Variants in PLXNA2 observed in about 807,000 individuals in gnomAD.
PLXNA2 encodes plexin-A2.
A neutral mutation model predicts 193.5 loss-of-function variants in PLXNA2; 91 were observed. The observed-to-expected ratio is 0.47, with a 90% CI of 0.40 to 0.56. The LOEUF is 0.56. PLXNA2 is among the 20% of genes least tolerant of loss of function. The pLI is 0.00. For synonymous variants in PLXNA2, 997 were observed against 1,027.3 expected (o/e 0.97, Z 0.56); for missense variants, 1,995 against 2,503.2 (o/e 0.80, Z 4.33).
chr1:208,027,419 CCT>C, intron 31 of PLXNA2, 81 bp from the exon 32 acceptor site: 1 of 1,062,650 alleles, frequency 9.4e-7, no homozygotes, highest in South Asian at 1.3e-5. Context: ...CCCTCTTTGC[CCT>C]CTGTCTACCT....
At chr1:208,241,740 C>G (rs1029946989) in intron 1 of PLXNA2, among the ~76,000 whole-genome samples, 4 of 152,220 alleles carry the variant, frequency 2.6e-5, no homozygotes, top group Non-Finnish European at 4.4e-5. Flanking sequence ...GCATTGCCCT[C>G]CCTTTATCAG....
chr1:208,243,444 G>A lies in PLXNA2; in HGVS notation c.-81+199C>T, dbSNP rs562841751. On this transcript the variant is annotated intron_variant, in intron 1 of 31. Coordinates refer to ENST00000367033, the MANE Select transcript of PLXNA2 (RefSeq NM_025179.4). ...GAGGCAGCGGCTCCAGTGAGCCTGC[G>A]ATCGCGCGCACGCCGCGCTCCAGCC... Among the ~76,000 whole-genome samples the A allele has an allele frequency of 4.3e-4, 66 of 152,056 alleles. No individual in the cohort carries two copies. In the East Asian group the frequency reaches 0.012, roughly 28 times the overall value.
chr1:208,232,139 G>A (rs535745502), intron 1 of PLXNA2, among the ~76,000 whole-genome samples: 2 of 152,330 alleles, frequency 1.3e-5, no homozygotes, highest in East Asian at 3.9e-4. Context: ...GCTGGGGAGG[G>A]GCTGAGGCCT....
At chr1:208,210,675 C>G (rs1670913535) in intron 2 of PLXNA2, among the ~76,000 whole-genome samples, 1 of 152,184 alleles carries the variant, frequency 6.6e-6, no homozygotes, top group Non-Finnish European at 1.5e-5. Flanking sequence ...GATGAAAGAA[C>G]AGGCAGCAAC....
intron 2 of PLXNA2, among the ~76,000 whole-genome samples, chr1:208,214,149 A>G (rs1199108371): frequency 1.3e-5 from 2 of 151,974 alleles, no homozygotes; most frequent in African/African-American, 4.8e-5. Context: ...ACCAAAGACT[A>G]TCTAGTCTAG....
intron 11 of PLXNA2, among the ~76,000 whole-genome samples, chr1:208,079,896 G>A (rs537726826): frequency 1.3e-5 from 2 of 152,172 alleles, no homozygotes; most frequent in East Asian, 1.9e-4. Flanking sequence ...CTTTGAACTC[G>A]TGCTATATTC....
At chr1:208,141,718 C>G (rs1558213038) in intron 4 of PLXNA2, among the ~76,000 whole-genome samples, 1 of 152,216 alleles carries the variant, frequency 6.6e-6, no homozygotes, top group Non-Finnish European at 1.5e-5. Context: ...TGCCTTCTCT[C>G]TACTCACACA....
In PLXNA2 at chr1:208,194,644, A is replaced by G. The variant is rs568807254; in HGVS notation, c.1371+15636T>C. ...AAAAGAACACCATTACCTCCATCCTATCTATACATCCTGCCACCAAGATGG... is the reference window on the plus strand; with the variant it reads ...AAAAGAACACCATTACCTCCATCCTGTCTATACATCCTGCCACCAAGATGG... On this transcript the variant is annotated intron_variant, in intron 3 of 31. Coordinates refer to ENST00000367033, the MANE Select transcript of PLXNA2 (RefSeq NM_025179.4). 2.0e-5 allele frequency among the ~76,000 whole-genome samples: 3 copies of G among 152,268 alleles called. No homozygotes were observed. In the East Asian group the frequency reaches 5.8e-4, roughly 29 times the overall value.
chr1:208,038,761 A>T lies in PLXNA2; in HGVS notation c.4660+64T>A. The T allele has an allele frequency of 6.5e-7, 1 of 1,529,834 alleles. No homozygotes were observed. The highest frequency in any genetic ancestry group is 9.0e-7 in the Non-Finnish European group (1 of 1,114,182). The allele number at this position is 1,529,834 out of a possible 1,614,324, so 94.8% of individuals were successfully genotyped here. On this transcript the variant is annotated intron_variant, in intron 25 of 31. Transcript: ENST00000367033. The surrounding 1 kb of genome is among the most constrained non-coding windows in gnomAD (Gnocchi z 4.1). ...TCATGCCCCTGCAAGGGTTGTGTGC[A>T]TGGCAGCTTCCCTTCCTTCACCTCT... is the stretch of plus-strand genomic sequence containing the variant.
At chr1:208,100,447 G>A (rs1667058728) in intron 5 of PLXNA2, among the ~76,000 whole-genome samples, 1 of 152,074 alleles carries the variant, frequency 6.6e-6, no homozygotes, top group African/African-American at 2.4e-5. Context: ...AAATGGCCTG[G>A]CGCATAGTAG....
intron 2 of PLXNA2, among the ~76,000 whole-genome samples, chr1:208,212,735 G>C (rs144093612): frequency 1.6e-3 from 238 of 152,288 alleles, no homozygotes; most frequent in South Asian, 1.9e-3. Context: ...GGGAATTCTA[G>C]CTCCCTAGAA....
intron 4 of PLXNA2, among the ~76,000 whole-genome samples, chr1:208,107,849 C>T (rs1667323644): frequency 6.6e-6 from 1 of 152,060 alleles, no homozygotes; most frequent in African/African-American, 2.4e-5. Context: ...CTTCTCCTGC[C>T]CCCTATGGCC....
chr1:208,210,448 A>G lies in PLXNA2; in HGVS notation c.1203T>C (p.Asp401=). ...TGATGTCCAGTCCACAGAAGTTATC[A>G]TCGATGGGGACAGGCTGGAGGGAAG... ...VQCTKAPVPI[D]DNFCGLDINQ... Residue 401 remains aspartate, a synonymous_variant, in exon 3 of 32, where the codon GAT becomes GAC. Transcript: ENST00000367033. 6.2e-7 allele frequency: 1 copy of G among 1,612,916 alleles called. No individual in the cohort carries two copies. Among genetic ancestry groups the G allele is most frequent in the Non-Finnish European group, 8.5e-7 (1 of 1,179,164 alleles).
chr1:208,061,889 G>T (rs138150368), intron 12 of PLXNA2, among the ~76,000 whole-genome samples: 1 of 152,142 alleles, frequency 6.6e-6, no homozygotes, highest in African/African-American at 2.4e-5. Flanking sequence ...ACAGAATTTC[G>T]TAACTGGAAG....
chr1:208,210,501 G>C (rs781401019), intron 2 of PLXNA2, 39 bp from the exon 3 acceptor site: 22 of 1,557,962 alleles, frequency 1.4e-5, no homozygotes, highest in Non-Finnish European at 1.8e-5. Flanking sequence ...AGTAACAGTG[G>C]AGGCATGGTG....
At chr1:208,040,935 G>A (rs966938186) in intron 22 of PLXNA2, among the ~76,000 whole-genome samples, 5 of 152,204 alleles carry the variant, frequency 3.3e-5, no homozygotes, top group Admixed American at 6.5e-5. Context: ...AGGGGATGCC[G>A]GAGGGGTATT....
rs908714147 is a variant in PLXNA2, at chr1:208,215,629, T to C, written c.1188+1106A>G. ...GTAAATAGGTGAATAGATGGATGGA[T>C]GGATGATGGATGGATGGATGGATGG... On this transcript the variant is annotated intron_variant, in intron 2 of 31. Transcript: ENST00000367033. 2.7e-5 allele frequency among the ~76,000 whole-genome samples: 4 copies of C among 150,584 alleles called. No individual in the cohort carries two copies. The East Asian group carries it at 6.0e-4, about 22-fold the overall frequency.
At chr1:208,175,490 G>A (rs1019712092) in intron 3 of PLXNA2, among the ~76,000 whole-genome samples, 8 of 152,322 alleles carry the variant, frequency 5.3e-5, no homozygotes, top group African/African-American at 1.7e-4. Flanking sequence ...AAGAGATAGA[G>A]GCTACCTGGC....
Position 208,159,020 on chromosome 1 carries a change from C to T in PLXNA2, c.1372-16557G>A, listed in dbSNP as rs544401646. 1.1e-3 allele frequency among the ~76,000 whole-genome samples: 166 copies of T among 152,264 alleles called. 5 individuals are homozygous for T. In the South Asian group the frequency reaches 0.032, roughly 29 times the overall value. The stretch of plus-strand genomic sequence containing the variant: ...TCTGCATGGGAGAGGGAGGGAGAGC[C>T]GCATAGGCATCTACCCCCACAGGCT... On this transcript the variant is annotated intron_variant, in intron 3 of 31. Transcript: ENST00000367033.
Sources: gnomAD v4.1 joint callset for allele counts (sites outside exome capture counted in the v4.1 genomes callset) on GRCh38, gnomAD v4.1.1 for gene constraint, Gnocchi (gnomAD v3.1) non-coding constraint, MANE v1.5 for transcripts, NCBI Gene and HGNC (gene_info 2026-07-23, HGNC 2026-07-21) for gene names.